Variants in DPYD observed in about 807,000 individuals in gnomAD.
The protein encoded by DPYD is dihydropyrimidine dehydrogenase [NADP(+)].
A neutral mutation model predicts 116.2 loss-of-function variants in DPYD; 109 were observed. The observed-to-expected ratio is 0.94, with a 90% CI of 0.80 to 1.10. The LOEUF is 1.10. Ranked by LOEUF, DPYD falls within the 50% of genes least tolerant of loss-of-function variation. DPYD has a pLI of 0.00. For synonymous variants in DPYD, 440 were observed against 432.0 expected (o/e 1.02, Z -0.23); for missense variants, 1,302 against 1,254.5 (o/e 1.04, Z -0.57).
rs1046082886 is a variant in DPYD, at chr1:97,866,860, G to A, written c.150+16404C>T. 4.0e-5 allele frequency among the ~76,000 whole-genome samples: 6 copies of A among 151,752 alleles called. No homozygotes were observed. In the East Asian group the frequency reaches 9.8e-4, roughly 25 times the overall value. On this transcript the variant is annotated intron_variant, in intron 2 of 22. Transcript: ENST00000370192. Reference sequence around the variant, plus strand: ...TAGTGCAAATGCCTTGAGGCAGAAGGCCGCAGGAAGTGTTCATGAAAAATC... The same window carrying A: ...TAGTGCAAATGCCTTGAGGCAGAAGACCGCAGGAAGTGTTCATGAAAAATC...
chr1:97,749,741 A>T (rs534703204), intron 3 of DPYD, among the ~76,000 whole-genome samples: 2 of 151,308 alleles, frequency 1.3e-5, no homozygotes, highest in South Asian at 4.2e-4. Context: ...GCCATATGTA[A>T]TTTTTTTTTG....
intron 8 of DPYD, among the ~76,000 whole-genome samples, chr1:97,622,681 C>A (rs1176338751): frequency 1.3e-5 from 2 of 151,938 alleles, no homozygotes; most frequent in Non-Finnish European, 2.9e-5. Context: ...TGGACTCCAG[C>A]GATTCTGTAT....
chr1:97,584,819 G>A (rs1456245133), intron 10 of DPYD, among the ~76,000 whole-genome samples: 2 of 127,508 alleles, frequency 1.6e-5, no homozygotes, highest in Non-Finnish European at 3.3e-5. Flanking sequence ...GGAGGGGGGA[G>A]GGATAGCATT....
chr1:97,529,906 T>C (rs1374868614), intron 12 of DPYD, among the ~76,000 whole-genome samples: 2 of 150,638 alleles, frequency 1.3e-5, no homozygotes, highest in African/African-American at 4.9e-5. Context: ...CCTCCCTTCC[T>C]TCTTTTCTTT....
chr1:97,576,474 A>G (rs1251122756), intron 10 of DPYD, among the ~76,000 whole-genome samples: 1 of 152,218 alleles, frequency 6.6e-6, no homozygotes, highest in Non-Finnish European at 1.5e-5. Context: ...GTTATTACAT[A>G]TAGATAATCT....
At chr1:97,791,583 T>G (rs1437087059) in intron 3 of DPYD, among the ~76,000 whole-genome samples, 4 of 152,236 alleles carry the variant, frequency 2.6e-5, no homozygotes, top group Non-Finnish European at 5.9e-5. Context: ...TTAAGTCTAG[T>G]AACTAAATGT....
chr1:97,124,037 A>T (rs1652646977), intron 20 of DPYD, among the ~76,000 whole-genome samples: 1 of 152,004 alleles, frequency 6.6e-6, no homozygotes, highest in Admixed American at 6.6e-5. Context: ...TTTTCCATGG[A>T]TTTTGCTTCA....
chr1:97,908,021 T>C (rs1673729475), intron 1 of DPYD, among the ~76,000 whole-genome samples: 1 of 151,998 alleles, frequency 6.6e-6, no homozygotes, highest in Non-Finnish European at 1.5e-5. Context: ...ACTGTCTGCA[T>C]AGTCATAAGG....
chr1:97,196,854 T>G (rs12081472), intron 19 of DPYD, among the ~76,000 whole-genome samples: 4,161 of 152,260 alleles, frequency 0.027, 158 homozygotes, highest in African/African-American at 0.088. Flanking sequence ...CTACAACTAT[T>G]GCATGGACCA....
At position 97,569,749 on chromosome 1, in the gene DPYD, C is replaced by CCATT. The variant is rs201839703; in HGVS notation, c.1339+4007_1339+4010dup. Among the ~76,000 whole-genome samples, 700 of 151,982 alleles carry CCATT rather than the reference C, an allele frequency of 4.6e-3. 10 individuals carry two copies. The highest frequency in any genetic ancestry group is 0.016 in the African/African-American group (655 of 41,510). Reference sequence around the variant, plus strand: ...TATCAATTGAGTCAGAAATTGGACACCATTGCCTTTAAAATTTGAGCTAGT... The same window carrying CCATT: ...TATCAATTGAGTCAGAAATTGGACACCATTCATTGCCTTTAAAATTTGAGCTAGT... On this transcript the variant is annotated intron_variant, in intron 11 of 22. Transcript: ENST00000370192.
At chr1:97,186,060 A>G (rs1358534312) in intron 20 of DPYD, among the ~76,000 whole-genome samples, 4 of 152,160 alleles carry the variant, frequency 2.6e-5, no homozygotes, top group Non-Finnish European at 5.9e-5. Context: ...CCTCTTTTGA[A>G]ACTGTCATTA....
chr1:97,476,577 T>TG lies in DPYD; in HGVS notation c.1741-26355dup, dbSNP rs1677973496. On this transcript the variant is annotated intron_variant, in intron 13 of 22. Coordinates refer to ENST00000370192, the MANE Select transcript of DPYD (RefSeq NM_000110.4). ...TGTGAACTGTTAGTAGAATTTACACTGGAAAACTTGAAAGTAATTAGGCAA... is the reference window on the plus strand; with the variant it reads ...TGTGAACTGTTAGTAGAATTTACACTGGGAAAACTTGAAAGTAATTAGGCAA... 1.3e-5 allele frequency among the ~76,000 whole-genome samples: 2 copies of TG among 152,150 alleles called. 1 individual carries two copies. The highest frequency in any genetic ancestry group is 2.9e-5 in the Non-Finnish European group (2 of 68,022).
intron 14 of DPYD, among the ~76,000 whole-genome samples, chr1:97,436,474 GTC>G (rs200103806): frequency 0.017 from 2,585 of 151,928 alleles, 39 homozygotes; most frequent in Non-Finnish European, 0.026. Flanking sequence ...CATCCCCAGG[GTC>G]TCTTTCACAT....
chr1:97,519,948 A>C (rs929569864), intron 12 of DPYD, among the ~76,000 whole-genome samples: 1 of 152,148 alleles, frequency 6.6e-6, no homozygotes, highest in Non-Finnish European at 1.5e-5. Flanking sequence ...GATCATAAAA[A>C]ATATAATTAT....
chr1:97,546,858 C>T (rs1056676500), intron 12 of DPYD: 5 of 1,610,198 alleles, frequency 3.1e-6, no homozygotes, highest in East Asian at 2.2e-5. Context: ...CAGAAAATCA[C>T]CCACAGTGGG....
intron 18 of DPYD, among the ~76,000 whole-genome samples, chr1:97,269,152 T>A (rs541946178): frequency 5.3e-4 from 80 of 152,326 alleles, no homozygotes; most frequent in African/African-American, 1.8e-3. Flanking sequence ...TACCACATTT[T>A]TTTTTGCAAC....
At chr1:97,830,118 T>A (rs370889135) in intron 2 of DPYD, among the ~76,000 whole-genome samples, 10 of 152,314 alleles carry the variant, frequency 6.6e-5, no homozygotes, top group African/African-American at 1.9e-4. Flanking sequence ...ATGGTGTATA[T>A]GGGCCACATT....
At chr1:97,887,098 C>T (rs1672534998) in intron 1 of DPYD, among the ~76,000 whole-genome samples, 1 of 151,916 alleles carries the variant, frequency 6.6e-6, no homozygotes, top group Admixed American at 6.6e-5. Flanking sequence ...CCAGGGACAC[C>T]CAAGAATGAC....
intron 13 of DPYD, among the ~76,000 whole-genome samples, chr1:97,472,056 G>T (rs1405480769): frequency 6.7e-6 from 1 of 148,272 alleles, no homozygotes; most frequent in Non-Finnish European, 1.5e-5. Context: ...ATAAGGAAAA[G>T]AGTCATACAA....
Sources: gnomAD v4.1 joint callset for allele counts (sites outside exome capture counted in the v4.1 genomes callset) on GRCh38, gnomAD v4.1.1 for gene constraint, MANE v1.5 for transcripts, NCBI Gene and HGNC (gene_info 2026-07-23, HGNC 2026-07-21) for gene names.